Variants in EVC2 observed in about 807,000 individuals in gnomAD.
The protein encoded by EVC2 is limbin.
EVC2 carries 148 observed loss-of-function variants against 149.3 expected under a neutral mutation model. That is an observed-to-expected ratio of 0.99 (90% CI 0.87 to 1.14). EVC2 has a LOEUF of 1.14. Among genes scored for constraint, EVC2 ranks in the 50% most tolerant of loss-of-function variants. The probability of loss-of-function intolerance (pLI) is 0.00; values close to 1 mark genes in which losing one functional copy is unlikely to be tolerated. For synonymous variants in EVC2, 776 were observed against 649.9 expected (o/e 1.19, Z -2.95); for missense variants, 1,854 against 1,627.3 (o/e 1.14, Z -2.40).
At position 5,569,623 on chromosome 4, in the gene EVC2, C is replaced by T. The variant is rs1303095725; in HGVS notation, c.3361-983G>A. 6.6e-6 allele frequency among the ~76,000 whole-genome samples: 1 copy of T among 152,002 alleles called. No individual in the cohort carries two copies. The highest frequency in any genetic ancestry group is 1.5e-5 in the Non-Finnish European group (1 of 68,014). ...CAAAGGCCATGAGAAGGAGCAGTGT[C>T]CAGCCAGGGGCCTGTGCAGGGGCAG... On this transcript the variant is annotated intron_variant, in intron 19 of 21. Coordinates refer to ENST00000344408, the MANE Select transcript of EVC2 (RefSeq NM_147127.5). The surrounding 1 kb of genome is among the most constrained non-coding windows in gnomAD (Gnocchi z 4.8).
intron 9 of EVC2, among the ~76,000 whole-genome samples, chr4:5,659,450 C>A (rs1228286923): frequency 1.3e-5 from 2 of 150,118 alleles, no homozygotes; most frequent in Non-Finnish European, 3.0e-5. Context: ...AGTGTCCAAC[C>A]ACAATGCCTG....
intron 3 of EVC2, 135 bp downstream of exon 3, chr4:5,694,200 A>G (rs1721312546): frequency 1.2e-6 from 1 of 859,384 alleles, no homozygotes; most frequent in Non-Finnish European, 1.9e-6. Flanking sequence ...CTACCCAGTG[A>G]TAACTATATT....
In EVC2 at chr4:5,615,124, C is replaced by T. The variant is rs1319594487; in HGVS notation, c.2829+298G>A. Among the ~76,000 whole-genome samples the T allele has an allele frequency of 1.3e-5, 2 of 152,162 alleles. 1 individual carries two copies. Among genetic ancestry groups the T allele is most frequent in the Non-Finnish European group, 2.9e-5 (2 of 68,038 alleles). On this transcript the variant is annotated intron_variant, in intron 16 of 21. Coordinates refer to ENST00000344408, the MANE Select transcript of EVC2 (RefSeq NM_147127.5). ...GCACACGCCCCAGGATAGAGCCAGG[C>T]ACAAATACAGCAAGTGACTCAGCCA...
At chr4:5,596,767 C>T (rs952819989) in intron 16 of EVC2, among the ~76,000 whole-genome samples, 4 of 151,914 alleles carry the variant, frequency 2.6e-5, no homozygotes, top group East Asian at 3.9e-4. Flanking sequence ...TTCAAAAAAT[C>T]AATGAATCCA....
chr4:5,578,848 G>A (rs901951065), intron 17 of EVC2, among the ~76,000 whole-genome samples: 4 of 152,184 alleles, frequency 2.6e-5, no homozygotes, highest in Non-Finnish European at 4.4e-5. Flanking sequence ...GGTTACGGGA[G>A]CTGGAAGAGA....
At chr4:5,624,591 G>A (rs1039648742) in intron 13 of EVC2, among the ~76,000 whole-genome samples, 1 of 152,170 alleles carries the variant, frequency 6.6e-6, no homozygotes, top group African/African-American at 2.4e-5. Context: ...AATATTCACA[G>A]AAGACTGCCA....
the EVC2 span, among the ~76,000 whole-genome samples, chr4:5,536,302 T>C: frequency 6.6e-6 from 1 of 152,320 alleles, no homozygotes; most frequent in East Asian, 1.9e-4. Flanking sequence ...CTTATTTGTA[T>C]TCTTTGGTTT....
At chr4:5,539,507 A>G (rs1025577028), downstream of EVC2, among the ~76,000 whole-genome samples, 2 of 152,208 alleles carry the variant, frequency 1.3e-5, no homozygotes, top group Non-Finnish European at 2.9e-5. Context: ...AAAAAAATAT[A>G]TACATCTAAC....
chr4:5,547,062 G>C (rs1307743974), intron 21 of EVC2, among the ~76,000 whole-genome samples: 1 of 152,206 alleles, frequency 6.6e-6, no homozygotes, highest in Non-Finnish European at 1.5e-5. Context: ...CTGCACTCTT[G>C]GGGGTCCAGG....
At chr4:5,560,397 C>T (rs371337982), downstream of EVC2, among the ~76,000 whole-genome samples, 12 of 152,230 alleles carry the variant, frequency 7.9e-5, no homozygotes, top group African/African-American at 1.4e-4. The surrounding 1 kb of genome is among the most constrained non-coding windows in gnomAD (Gnocchi z 4.1). Context: ...AGGAAGCTTA[C>T]GATCATGGCA....
At chr4:5,534,947 A>G in the EVC2 span, among the ~76,000 whole-genome samples, 4 of 150,122 alleles carry the variant, frequency 2.7e-5, no homozygotes, top group Non-Finnish European at 5.9e-5. Context: ...TAAAAAAAAA[A>G]TTATCTCCCT....
chr4:5,589,133 T>C (rs994006145), intron 16 of EVC2, among the ~76,000 whole-genome samples: 20 of 152,282 alleles, frequency 1.3e-4, no homozygotes, highest in Non-Finnish European at 1.0e-4. Context: ...TCTATAATTA[T>C]TGAGCTTTGT....
upstream of EVC2, chr4:5,708,639 A>C (rs1560246360): frequency 1.3e-5 from 8 of 638,496 alleles, no homozygotes; most frequent in South Asian, 1.2e-4. Flanking sequence ...TTCTGGAACA[A>C]ACACCCGCAT....
At chr4:5,650,638 T>TATATAG (rs1162935817) in intron 9 of EVC2, among the ~76,000 whole-genome samples, 19 of 45,096 alleles carry the variant, frequency 4.2e-4, no homozygotes, top group South Asian at 1.1e-3. Flanking sequence ...TATATATATA[T>TATATAG]AGAGAGAGAG....
At chr4:5,663,281 G>C (rs1560206803) in intron 8 of EVC2, 35 bp from the exon 9 acceptor site, 3 of 1,613,122 alleles carry the variant, frequency 1.9e-6, no homozygotes, top group East Asian at 4.5e-5. Context: ...AATTGATTGG[G>C]CCTTCTTGTG....
intron 9 of EVC2, among the ~76,000 whole-genome samples, chr4:5,642,096 C>G (rs778996858): frequency 6.6e-6 from 1 of 152,088 alleles, no homozygotes; most frequent in Non-Finnish European, 1.5e-5. Flanking sequence ...ATCCATGTCC[C>G]TGCAAAGCAT....
In EVC2 at chr4:5,622,988, T is replaced by G; in HGVS notation, c.2050A>C (p.Arg684=). ...KRRRELLQKH[R]EQRREQASVG... ...GACGCCTGCTCCCTACGCTGCTCCC[T>G]GTGCTGGAGTTTCAGAAAAGAAAAT... The change falls in exon 14 of 22, where the codon AGG becomes CGG. Residue 684 remains arginine, a synonymous_variant. Transcript: ENST00000344408. The surrounding 1 kb of genome is among the most constrained non-coding windows in gnomAD (Gnocchi z 5.8). The G allele has an allele frequency of 6.2e-7, 1 of 1,613,888 alleles. No individual in the cohort carries two copies. The highest frequency in any genetic ancestry group is 8.5e-7 in the Non-Finnish European group (1 of 1,179,912).
In EVC2 at chr4:5,663,145, A is replaced by C; in HGVS notation, c.1107T>G (p.Ser369=). Residue 369 remains serine, a synonymous_variant, in exon 9 of 22, where the codon TCT becomes TCG. Transcript: ENST00000344408. ...SLNDQMIDIL[S]SEDPGSMLQA... Reference sequence around the variant, plus strand: ...GAAGCATGCTCCCAGGGTCCTCGGAAGACAGAATGTCTATCATTTGGTCGT... The same window carrying C: ...GAAGCATGCTCCCAGGGTCCTCGGACGACAGAATGTCTATCATTTGGTCGT... The C allele has an allele frequency of 1.9e-6, 3 of 1,614,208 alleles. No homozygotes were observed. The highest frequency in any genetic ancestry group is 1.7e-6 in the Non-Finnish European group (2 of 1,180,026).
chr4:5,534,653 C>T, the EVC2 span, among the ~76,000 whole-genome samples: 678 of 152,230 alleles, frequency 4.5e-3, 5 homozygotes, highest in African/African-American at 0.015. Context: ...AAACCTCAAA[C>T]ATCTCACCTC....
Sources: allele counts gnomAD v4.1 joint callset (sites outside exome capture counted in the v4.1 genomes callset), GRCh38; gene constraint gnomAD v4.1.1; non-coding constraint Gnocchi (gnomAD v3.1); transcripts MANE v1.5; gene names NCBI Gene and HGNC (gene_info 2026-07-23, HGNC 2026-07-21).